TRHDE: variants seen among roughly 807,000 people sequenced by gnomAD.
The protein encoded by TRHDE is thyrotropin releasing hormone degrading enzyme.
A neutral mutation model predicts 125.7 loss-of-function variants in TRHDE; 72 were observed. The ratio of observed to expected loss-of-function variants is 0.57; its 90% CI spans 0.47 to 0.70. The LOEUF (loss-of-function observed/expected upper bound fraction) is 0.70, where lower values mean the gene tolerates loss of function less well. Among genes scored for constraint, TRHDE ranks in the 30% least tolerant of loss-of-function variants. The pLI is 0.00. For synonymous variants in TRHDE, 509 were observed against 509.1 expected (o/e 1.00, Z 0.00); for missense variants, 1,110 against 1,327.1 (o/e 0.84, Z 2.54).
chr12:72,628,524 T>G (rs915541033), intron 15 of TRHDE, among the ~76,000 whole-genome samples: 1 of 151,928 alleles, frequency 6.6e-6, no homozygotes, highest in African/African-American at 2.4e-5. Flanking sequence ...AGCTAATTTT[T>G]AATTTAATCA....
intron 7 of TRHDE, among the ~76,000 whole-genome samples, chr12:72,555,801 T>C (rs1277923618): frequency 6.6e-6 from 1 of 152,232 alleles, no homozygotes; most frequent in African/African-American, 2.4e-5. Context: ...TGTGATCTGA[T>C]ACTTTTAGTC....
chr12:72,374,633 T>C (rs960169952), intron 2 of TRHDE, among the ~76,000 whole-genome samples: 21 of 151,972 alleles, frequency 1.4e-4, no homozygotes, highest in Non-Finnish European at 2.4e-4. Context: ...GTGAGATAGA[T>C]AGAAAAGTAA....
chr12:72,373,377 T>A (rs1166647000), intron 2 of TRHDE, among the ~76,000 whole-genome samples: 1 of 152,156 alleles, frequency 6.6e-6, no homozygotes, highest in Non-Finnish European at 1.5e-5. Context: ...TTGAATACCC[T>A]TTATTTCCTT....
At chr12:72,360,717 A>G (rs937330557) in intron 2 of TRHDE, among the ~76,000 whole-genome samples, 1 of 151,830 alleles carries the variant, frequency 6.6e-6, no homozygotes, top group Non-Finnish European at 1.5e-5. Flanking sequence ...TATATTGTAC[A>G]GTTGATTGTG....
chr12:72,147,280 T>C (rs115015248), intron 2 of TRHDE, among the ~76,000 whole-genome samples: 1,998 of 152,192 alleles, frequency 0.013, 41 homozygotes, highest in African/African-American at 0.046. Flanking sequence ...GTCCCTATCA[T>C]TACCTGATTA....
intron 1 of TRHDE, among the ~76,000 whole-genome samples, chr12:72,095,160 A>G (rs1874883299): frequency 6.6e-6 from 1 of 152,244 alleles, no homozygotes; most frequent in Admixed American, 6.5e-5. Flanking sequence ...TTCACCTGCT[A>G]TAGCTGAGAA....
intron 10 of TRHDE, among the ~76,000 whole-genome samples, chr12:72,571,853 T>G (rs565661538): frequency 6.6e-6 from 1 of 152,192 alleles, no homozygotes; most frequent in East Asian, 1.9e-4. Flanking sequence ...TTTGTCCCCA[T>G]TTTACAAATG....
At chr12:72,447,827 A>G (rs938276871) in intron 3 of TRHDE, among the ~76,000 whole-genome samples, 3 of 152,014 alleles carry the variant, frequency 2.0e-5, no homozygotes, top group African/African-American at 7.2e-5. Flanking sequence ...AAGGTTCTCA[A>G]TTTATTCTAA....
At chr12:72,643,897 TA>T (rs1874173153) in intron 15 of TRHDE, among the ~76,000 whole-genome samples, 1 of 152,146 alleles carries the variant, frequency 6.6e-6, no homozygotes, top group South Asian at 2.1e-4. Flanking sequence ...AAGTTACAGG[TA>T]ACATTTGTGT....
chr12:72,566,825 A>G (rs370828493), intron 9 of TRHDE, among the ~76,000 whole-genome samples: 3 of 152,016 alleles, frequency 2.0e-5, no homozygotes, highest in East Asian at 3.8e-4. Flanking sequence ...AATCTGTCTT[A>G]CCTATAGATG....
intron 12 of TRHDE, among the ~76,000 whole-genome samples, chr12:72,601,952 T>C (rs1872225368): frequency 6.6e-6 from 1 of 152,098 alleles, no homozygotes. Context: ...TTTGAGGTAA[T>C]TGGGTACATG....
intron 18 of TRHDE, among the ~76,000 whole-genome samples, chr12:72,659,511 GT>G (rs1246347580): frequency 1.3e-5 from 2 of 152,058 alleles, no homozygotes; most frequent in Non-Finnish European, 2.9e-5. Context: ...TATAAACTTT[GT>G]AATAGGGCAA....
intron 6 of TRHDE, among the ~76,000 whole-genome samples, chr12:72,504,817 T>A (rs1053241932): frequency 6.6e-5 from 10 of 152,194 alleles, no homozygotes; most frequent in African/African-American, 2.4e-4. Flanking sequence ...ACACAATAAT[T>A]TCTTGCCACT....
intron 2 of TRHDE, among the ~76,000 whole-genome samples, chr12:72,174,000 G>A (rs535666045): frequency 3.3e-5 from 5 of 152,190 alleles, no homozygotes; most frequent in South Asian, 2.1e-4. Flanking sequence ...CAAGAGAACC[G>A]GTCTATTTCT....
intron 6 of TRHDE, among the ~76,000 whole-genome samples, chr12:72,527,669 G>GT (rs1198283190): frequency 2.0e-5 from 3 of 151,040 alleles, no homozygotes; most frequent in Non-Finnish European, 4.4e-5. Flanking sequence ...TATTATTTTC[G>GT]TAAGAATCAC....
intron 12 of TRHDE, among the ~76,000 whole-genome samples, chr12:72,612,481 A>G (rs1419455891): frequency 6.6e-6 from 1 of 152,174 alleles, no homozygotes; most frequent in East Asian, 1.9e-4. Flanking sequence ...ATGGGGTAGA[A>G]CCAGCAGGAG....
intron 3 of TRHDE, among the ~76,000 whole-genome samples, chr12:72,455,921 C>T (rs2135877279): frequency 6.6e-6 from 1 of 151,844 alleles, no homozygotes. Context: ...AATTTAGAAT[C>T]ATATACTCAT....
At chr12:72,562,074 C>A in intron 7 of TRHDE, 91 bp from the exon 8 acceptor site, 2 of 569,316 alleles carry the variant, frequency 3.5e-6, no homozygotes, top group Non-Finnish European at 3.2e-6. Flanking sequence ...AATATAATTC[C>A]AACAAATGAA....
chr12:72,474,228 A>G (rs1403907951), intron 5 of TRHDE, among the ~76,000 whole-genome samples: 1 of 152,118 alleles, frequency 6.6e-6, no homozygotes, highest in Non-Finnish European at 1.5e-5. Flanking sequence ...AAACATATTC[A>G]TCACCTCCAA....
Sources: gnomAD v4.1 joint callset for allele counts (sites outside exome capture counted in the v4.1 genomes callset) on GRCh38, gnomAD v4.1.1 for gene constraint, MANE v1.5 for transcripts, NCBI Gene and HGNC (gene_info 2026-07-23, HGNC 2026-07-21) for gene names.